PDE4D: variants seen among roughly 807,000 people sequenced by gnomAD.
The protein encoded by PDE4D is 3',5'-cyclic-AMP phosphodiesterase 4D.
PDE4D carries 24 observed loss-of-function variants against 87.4 expected under a neutral mutation model. The ratio of observed to expected loss-of-function variants is 0.27; its 90% CI spans 0.20 to 0.39. PDE4D has a LOEUF of 0.39. Among genes scored for constraint, PDE4D ranks in the 10% least tolerant of loss-of-function variants. The probability of loss-of-function intolerance (pLI) is 1.00; values close to 1 mark genes in which losing one functional copy is unlikely to be tolerated. For missense variants in PDE4D, 714 were observed against 1,041.0 expected (o/e 0.69, Z 4.32); for synonymous variants, 384 against 383.2 (o/e 1.00, Z -0.02).
intron 1 of PDE4D, among the ~76,000 whole-genome samples, chr5:59,660,407 C>T (rs1454990932): frequency 1.3e-5 from 2 of 152,062 alleles, no homozygotes; most frequent in Non-Finnish European, 2.9e-5. Context: ...AAAACCACTT[C>T]CTTTTATTTA....
At chr5:59,960,467 C>T (rs567666854) in intron 3 of PDE4D, among the ~76,000 whole-genome samples, 3 of 152,160 alleles carry the variant, frequency 2.0e-5, no homozygotes, top group Non-Finnish European at 2.9e-5. Flanking sequence ...TGCCCATCAA[C>T]GGTGGATTGG....
intron 3 of PDE4D, among the ~76,000 whole-genome samples, chr5:59,981,627 T>G (rs1004978446): frequency 6.6e-6 from 1 of 152,204 alleles, no homozygotes; most frequent in Non-Finnish European, 1.5e-5. Flanking sequence ...TTATAGATCT[T>G]CCATATAACA....
intron 1 of PDE4D, among the ~76,000 whole-genome samples, chr5:60,370,802 TAA>T (rs894880004): frequency 2.6e-5 from 4 of 151,742 alleles, no homozygotes; most frequent in African/African-American, 9.7e-5. Context: ...CACTTGTGTG[TAA>T]GAGAGAGGGA....
At chr5:60,170,978 A>G (rs557348790) in intron 2 of PDE4D, among the ~76,000 whole-genome samples, 275 of 152,170 alleles carry the variant, frequency 1.8e-3, no homozygotes, top group South Asian at 9.7e-3. Context: ...GGATCAAAAT[A>G]TGTATCTGGC....
At chr5:60,119,288 G>A (rs556944186) in intron 2 of PDE4D, among the ~76,000 whole-genome samples, 1 of 152,216 alleles carries the variant, frequency 6.6e-6, no homozygotes, top group East Asian at 1.9e-4. Flanking sequence ...TTTACAATTT[G>A]ACTGAACACC....
chr5:59,321,760 T>C (rs1349565464), intron 1 of PDE4D, among the ~76,000 whole-genome samples: 1 of 152,066 alleles, frequency 6.6e-6, no homozygotes, highest in East Asian at 1.9e-4. Context: ...CTGAGTGTAA[T>C]ATGGGAATTA....
At chr5:59,639,711 AT>A (rs1236029779) in intron 1 of PDE4D, among the ~76,000 whole-genome samples, 1 of 152,132 alleles carries the variant, frequency 6.6e-6, no homozygotes. Context: ...AATATATAGC[AT>A]TCCAGGACAC....
Position 59,414,852 on chromosome 5 carries a change from G to A in PDE4D, c.456-198884C>T, listed in dbSNP as rs149524444. ...GTGTGGAGGGCCATGACAGCACAAG[G>A]AAGGGAGTTGTCATTTGGATCTGGC... On this transcript the variant is annotated intron_variant, in intron 1 of 14. Coordinates refer to ENST00000340635, the MANE Select transcript of PDE4D (RefSeq NM_001104631.2). Among the ~76,000 whole-genome samples the A allele has an allele frequency of 2.5e-3, 380 of 152,360 alleles. 2 individuals are homozygous for A. Among genetic ancestry groups the A allele is most frequent in the Non-Finnish European group, 4.2e-3 (286 of 68,038 alleles).
At chr5:59,440,142 G>T (rs1797379833) in intron 1 of PDE4D, among the ~76,000 whole-genome samples, 1 of 152,082 alleles carries the variant, frequency 6.6e-6, no homozygotes, top group Non-Finnish European at 1.5e-5. Context: ...GTTATCACTA[G>T]ATAATTTAAT....
intron 2 of PDE4D, among the ~76,000 whole-genome samples, chr5:60,017,373 T>C (rs1315068307): frequency 6.6e-6 from 1 of 152,172 alleles, no homozygotes; most frequent in Non-Finnish European, 1.5e-5. Flanking sequence ...CCTGGTGGTT[T>C]GTTGCACCTA....
intron 1 of PDE4D, among the ~76,000 whole-genome samples, chr5:59,566,595 A>AAT (rs1202812816): frequency 6.6e-6 from 1 of 151,716 alleles, no homozygotes; most frequent in East Asian, 1.9e-4. Context: ...AGAGAATGAG[A>AAT]GAGAGAGAGA....
At chr5:59,261,884 C>T (rs1440688796) in intron 1 of PDE4D, among the ~76,000 whole-genome samples, 1 of 151,694 alleles carries the variant, frequency 6.6e-6, no homozygotes, top group Non-Finnish European at 1.5e-5. Flanking sequence ...CATGGATTTC[C>T]AGGCCAGTAA....
chr5:60,018,493 T>C (rs1052614673), intron 2 of PDE4D, among the ~76,000 whole-genome samples: 1 of 152,132 alleles, frequency 6.6e-6, no homozygotes, highest in African/African-American at 2.4e-5. Flanking sequence ...ATAACAATAT[T>C]AACTTTAAAT....
At chr5:59,634,937 A>G (rs545355034) in intron 1 of PDE4D, among the ~76,000 whole-genome samples, 1 of 152,316 alleles carries the variant, frequency 6.6e-6, no homozygotes, top group African/African-American at 2.4e-5. Flanking sequence ...GAAAAAATCA[A>G]TGAATCCAGG....
chr5:60,090,942 A>G (rs1411442579), intron 2 of PDE4D, among the ~76,000 whole-genome samples: 1 of 152,198 alleles, frequency 6.6e-6, no homozygotes, highest in Non-Finnish European at 1.5e-5. Context: ...ACACACACAC[A>G]CAAAAACACA....
At chr5:59,589,657 T>C (rs759273984) in intron 1 of PDE4D, among the ~76,000 whole-genome samples, 31 of 152,204 alleles carry the variant, frequency 2.0e-4, no homozygotes, top group Non-Finnish European at 4.4e-4. Context: ...TGTCAAACCA[T>C]CACCTATGGG....
intron 1 of PDE4D, among the ~76,000 whole-genome samples, chr5:59,593,891 C>T (rs541365385): frequency 6.6e-6 from 1 of 152,150 alleles, no homozygotes; most frequent in Non-Finnish European, 1.5e-5. Flanking sequence ...GAGAAAAATT[C>T]TCTCATGCTT....
chr5:59,656,255 C>G (rs573561919), intron 1 of PDE4D, among the ~76,000 whole-genome samples: 17 of 152,088 alleles, frequency 1.1e-4, no homozygotes, highest in Non-Finnish European at 1.9e-4. Context: ...CACATTCACA[C>G]CTTACACACA....
intron 5 of PDE4D, chr5:59,157,106 G>T: frequency 2.5e-6 from 1 of 406,148 alleles, no homozygotes; most frequent in Non-Finnish European, 4.4e-6. Flanking sequence ...GTGAGAAAAT[G>T]TATTGAAAAT....
Sources: allele counts gnomAD v4.1 joint callset (sites outside exome capture counted in the v4.1 genomes callset), GRCh38; gene constraint gnomAD v4.1.1; transcripts MANE v1.5; gene names NCBI Gene and HGNC (gene_info 2026-07-23, HGNC 2026-07-21).